RFX7: variants seen among roughly 807,000 people sequenced by gnomAD.
RFX7 encodes DNA-binding protein RFX7.
In RFX7, 26 loss-of-function variants were observed where a neutral mutation model predicts 111.8. The ratio of observed to expected loss-of-function variants is 0.23; its 90% confidence interval spans 0.17 to 0.32. The LOEUF is 0.32. RFX7 is among the 10% of genes least tolerant of loss of function. The pLI, the probability that RFX7 is intolerant of heterozygous loss-of-function variation, is 1.00. For synonymous variants in RFX7, 624 were observed against 624.4 expected (o/e 1.00, Z 0.01); for missense variants, 1,573 against 1,772.9 (o/e 0.89, Z 2.02).
chr15:56,226,525 C>A (rs1228043948), intron 2 of RFX7, among the ~76,000 whole-genome samples: 1 of 152,046 alleles, frequency 6.6e-6, no homozygotes, highest in Non-Finnish European at 1.5e-5. Flanking sequence ...AAACTCTGAT[C>A]ATCATTTTCA....
At chr15:56,235,788 C>T (rs562344415) in intron 2 of RFX7, among the ~76,000 whole-genome samples, 130 of 152,286 alleles carry the variant, frequency 8.5e-4, no homozygotes, top group Non-Finnish European at 1.3e-3. Flanking sequence ...TTGCTAATCC[C>T]GTGTTGGAAT....
chr15:56,186,310 A>G (rs1257224843), intron 2 of RFX7, among the ~76,000 whole-genome samples: 1 of 152,188 alleles, frequency 6.6e-6, no homozygotes, highest in Non-Finnish European at 1.5e-5. Context: ...TCCTATGAAC[A>G]TTAAGACATC....
At chr15:56,132,647 A>G (rs2042234164) in intron 5 of RFX7, among the ~76,000 whole-genome samples, 1 of 152,146 alleles carries the variant, frequency 6.6e-6, no homozygotes, top group African/African-American at 2.4e-5. Flanking sequence ...TTCTAAGCAT[A>G]ATAGTAATGT....
At chr15:56,134,851 G>A (rs1328026730) in intron 5 of RFX7, among the ~76,000 whole-genome samples, 12 of 152,006 alleles carry the variant, frequency 7.9e-5, no homozygotes, top group Non-Finnish European at 1.8e-4. Context: ...ACCTATGAGT[G>A]AGAATATGCA....
rs980249740 is a variant in RFX7, at chr15:56,089,209, T to C, written c.*4136A>G. 1 of 152,418 alleles carries C rather than the reference T, an allele frequency of 6.6e-6. No homozygotes were observed. Among genetic ancestry groups the C allele is most frequent in the Admixed American group, 6.5e-5 (1 of 15,272 alleles). The allele number at this position is 152,418 out of a possible 1,614,324, so 9.4% of individuals were successfully genotyped here. ...CAGTGTGTGTGTATGGAGTGCTTAATGGAAGATTCTGAGATTTTTTTTTCT... is the reference window on the plus strand; with the variant it reads ...CAGTGTGTGTGTATGGAGTGCTTAACGGAAGATTCTGAGATTTTTTTTTCT... On this transcript the variant is annotated 3_prime_UTR_variant, in exon 10 of 10. Coordinates refer to ENST00000559447, the MANE Select transcript of RFX7 (RefSeq NM_022841.7).
intron 3 of RFX7, among the ~76,000 whole-genome samples, chr15:56,145,931 CAA>C (rs1199447250): frequency 2.0e-5 from 3 of 152,148 alleles, no homozygotes; most frequent in African/African-American, 7.2e-5. Flanking sequence ...ACAAATCATA[CAA>C]AGAGTGAACA....
At chr15:56,207,601 G>T (rs1214539011) in intron 2 of RFX7, among the ~76,000 whole-genome samples, 5 of 152,024 alleles carry the variant, frequency 3.3e-5, no homozygotes, top group Non-Finnish European at 5.9e-5. Flanking sequence ...CAGATCTAGG[G>T]CAAAGCAAAG....
chr15:56,149,095 A>AAG (rs2042529603), intron 3 of RFX7, among the ~76,000 whole-genome samples: 2 of 151,986 alleles, frequency 1.3e-5, no homozygotes, highest in South Asian at 4.2e-4. Context: ...AAAAAAAAAA[A>AAG]AAAAAAATCA....
At position 56,096,146 on chromosome 15, in the gene RFX7, T is replaced by A; in HGVS notation, c.1582A>T (p.Ser528Cys). The change falls in exon 10 of 10, where the codon AGT (serine) becomes TGT (cysteine). Residue 528 changes from serine (S) to cysteine (C), a missense_variant. This residue lies in a region of RFX7 where 625 missense variants were observed against 632.2 expected (regional missense o/e 0.99). Transcript: ENST00000559447. ...TCCACAGCAGATGTTCCCCCCGCAC[T>A]GCTGCTCCTGGACCCAGGAGACTGA... ...SLQSPGSRSS[S>C]AGGTSAVEVK... 2.5e-6 allele frequency: 4 copies of A among 1,613,934 alleles called. No individual in the cohort carries two copies. Among genetic ancestry groups the A allele is most frequent in the Non-Finnish European group, 3.4e-6 (4 of 1,179,872 alleles).
At chr15:56,173,310 AC>A (rs2042865657) in intron 3 of RFX7, among the ~76,000 whole-genome samples, 1 of 152,220 alleles carries the variant, frequency 6.6e-6, no homozygotes, top group Non-Finnish European at 1.5e-5. Flanking sequence ...GCTGAAACAA[AC>A]TTCAATACAC....
intron 2 of RFX7, among the ~76,000 whole-genome samples, chr15:56,200,394 A>G (rs2043183019): frequency 6.6e-6 from 1 of 152,204 alleles, no homozygotes; most frequent in South Asian, 2.1e-4. Context: ...AACATTTAAA[A>G]AGAAGCTAAA....
chr15:56,164,907 A>G (rs1335131527), intron 3 of RFX7, among the ~76,000 whole-genome samples: 1 of 152,314 alleles, frequency 6.6e-6, no homozygotes, highest in African/African-American at 2.4e-5. Context: ...GTTGGAAGGT[A>G]GAAAGAAAAA....
chr15:56,112,586 T>C (rs927373985), intron 5 of RFX7, among the ~76,000 whole-genome samples: 3 of 152,046 alleles, frequency 2.0e-5, no homozygotes, highest in Non-Finnish European at 4.4e-5. Context: ...ATTCAGGACA[T>C]AGGCATGGGA....
At chr15:56,181,363 C>T (rs1444556992) in intron 2 of RFX7, among the ~76,000 whole-genome samples, 1 of 152,182 alleles carries the variant, frequency 6.6e-6, no homozygotes, top group Non-Finnish European at 1.5e-5. Flanking sequence ...ATATAAAATA[C>T]TCCCAGTCAC....
At position 56,100,618 on chromosome 15, in the gene RFX7, A is replaced by G. The variant is rs74526562; in HGVS notation, c.811+741T>C. On this transcript the variant is annotated intron_variant, in intron 8 of 9. Transcript: ENST00000559447. ...TTGGAAAAATAAGTCTCTGATCACTATATCACTACATTTTTAACAGACATC... is the reference window on the plus strand; with the variant it reads ...TTGGAAAAATAAGTCTCTGATCACTGTATCACTACATTTTTAACAGACATC... Among the ~76,000 whole-genome samples the G allele has an allele frequency of 3.3e-5, 5 of 152,356 alleles. No homozygotes were observed. The East Asian group carries it at 5.8e-4, about 18-fold the overall frequency.
chr15:56,131,498 A>T (rs1414651501), intron 5 of RFX7, among the ~76,000 whole-genome samples: 2 of 151,980 alleles, frequency 1.3e-5, no homozygotes, highest in Non-Finnish European at 2.9e-5. Flanking sequence ...GCCTCAAGTG[A>T]TCCTCTAGAC....
intron 2 of RFX7, among the ~76,000 whole-genome samples, chr15:56,227,688 G>A (rs891866902): frequency 9.9e-5 from 15 of 152,042 alleles, no homozygotes; most frequent in Middle Eastern, 3.4e-3. Context: ...TATTCATTTC[G>A]CTTATCCATG....
At chr15:56,165,620 A>G (rs1224781483) in intron 3 of RFX7, among the ~76,000 whole-genome samples, 2 of 152,176 alleles carry the variant, frequency 1.3e-5, no homozygotes, top group African/African-American at 2.4e-5. Context: ...GACACGTTCC[A>G]TTTTTGACCA....
intron 5 of RFX7, among the ~76,000 whole-genome samples, chr15:56,110,160 T>TGGCCAGCCGCCCCGTCC (rs2041898003): frequency 1.1e-5 from 1 of 94,952 alleles, no homozygotes; most frequent in African/African-American, 4.0e-5. Context: ...GCCCCCCGCC[T>TGGCCAGCCGCCCCGTCC]GGCCAGCCGC....
Sources: gnomAD v4.1 joint callset for allele counts (sites outside exome capture counted in the v4.1 genomes callset) on GRCh38, gnomAD v4.1.1 for gene constraint, gnomAD v4.1.1 regional missense constraint, MANE v1.5 for transcripts, NCBI Gene and HGNC (gene_info 2026-07-23, HGNC 2026-07-21) for gene names.